The following PARP8 variants were observed in gnomAD, a reference collection of about 807,000 sequenced individuals.
PARP8 encodes protein mono-ADP-ribosyltransferase PARP8.
A neutral mutation model predicts 124.1 loss-of-function variants in PARP8; 51 were observed. The observed-to-expected ratio is 0.41, with a 90% CI of 0.33 to 0.52. The LOEUF (loss-of-function observed/expected upper bound fraction) is 0.52, where lower values mean the gene tolerates loss of function less well. Among genes scored for constraint, PARP8 ranks in the 20% least tolerant of loss-of-function variants. PARP8 has a pLI of 0.21. For synonymous variants in PARP8, 391 were observed against 361.5 expected, an observed-to-expected ratio of 1.08 and a Z score of -0.93; for missense variants, 860 against 1,018.9, an observed-to-expected ratio of 0.84 and a Z score of 2.12.
At chr5:50,791,213 C>A (rs936635288) in intron 10 of PARP8, among the ~76,000 whole-genome samples, 1 of 152,074 alleles carries the variant, frequency 6.6e-6, no homozygotes, top group Non-Finnish European at 1.5e-5. Flanking sequence ...TCAACAATAG[C>A]AACAGCAAAT....
At chr5:50,758,741 C>T (rs868837309) in intron 3 of PARP8, among the ~76,000 whole-genome samples, 16 of 152,010 alleles carry the variant, frequency 1.1e-4, no homozygotes, top group Non-Finnish European at 4.4e-5. Context: ...CTGAGAGATG[C>T]CCTGCAATCA....
chr5:50,835,744 G>C (rs1454057653), intron 25 of PARP8, among the ~76,000 whole-genome samples: 3 of 152,046 alleles, frequency 2.0e-5, no homozygotes, highest in Non-Finnish European at 4.4e-5. Flanking sequence ...ATACAGGCTG[G>C]CAATGCAGTA....
At chr5:50,752,741 C>T (rs959926389) in intron 3 of PARP8, among the ~76,000 whole-genome samples, 6 of 152,170 alleles carry the variant, frequency 3.9e-5, no homozygotes, top group Admixed American at 1.3e-4. Context: ...ATACCTTAGG[C>T]TTCCCCTCTG....
In PARP8 at chr5:50,846,195, C is replaced by T. The variant is rs1748600622; in HGVS notation, c.*4127C>T. ...TTTGAGATTTTTAAAAATGCATCCG[C>T]TCCATTATGTAAACATTAAGATATG... On this transcript the variant is annotated 3_prime_UTR_variant, in exon 26 of 26. Coordinates refer to ENST00000281631, the MANE Select transcript of PARP8 (RefSeq NM_024615.4). 1 of 151,740 alleles carries T rather than the reference C, an allele frequency of 6.6e-6. No homozygotes were observed. Among genetic ancestry groups the T allele is most frequent in the Non-Finnish European group, 1.5e-5 (1 of 67,780 alleles). The allele number at this position is 151,740 out of a possible 1,614,324, so 9.4% of individuals were successfully genotyped here. A position where few individuals can be genotyped will look rare whatever the true frequency, so the allele number is the denominator to read the frequency against.
chr5:50,672,330 A>C (rs1164600608), intron 2 of PARP8, among the ~76,000 whole-genome samples: 1 of 152,180 alleles, frequency 6.6e-6, no homozygotes. Context: ...CCCCTAGCAC[A>C]CTGTCTAGCC....
intron 22 of PARP8, among the ~76,000 whole-genome samples, chr5:50,830,889 C>T (rs1475084133): frequency 1.3e-5 from 2 of 151,860 alleles, no homozygotes; most frequent in East Asian, 3.9e-4. Context: ...ATGTCATTCA[C>T]ATGGTGCCTG....
At chr5:50,743,852 C>G (rs1376282119) in intron 2 of PARP8, among the ~76,000 whole-genome samples, 1 of 152,108 alleles carries the variant, frequency 6.6e-6, no homozygotes, top group Non-Finnish European at 1.5e-5. Context: ...TTGTCATGTG[C>G]AATTTTTTGT....
rs747838465 is a variant in PARP8 at position 50,772,927 on chromosome 5, G to T, written c.519-5142G>T. 3.9e-5 allele frequency among the ~76,000 whole-genome samples: 6 copies of T among 152,146 alleles called. 1 individual carries two copies. The highest frequency in any genetic ancestry group is 8.8e-5 in the Non-Finnish European group (6 of 68,026). On this transcript the variant is annotated intron_variant, in intron 7 of 25. Transcript: ENST00000281631. ...TTGGCTGGGCTGGTCTCGAACTCCT[G>T]ACCCAGTAGATCTGCCCAGCTTGGC... is the stretch of plus-strand genomic sequence containing the variant.
chr5:50,690,187 G>C (rs1477885203), intron 2 of PARP8, among the ~76,000 whole-genome samples: 1 of 152,166 alleles, frequency 6.6e-6, no homozygotes, highest in Non-Finnish European at 1.5e-5. Context: ...CTCCTCATAA[G>C]TTCATACCTC....
intron 2 of PARP8, among the ~76,000 whole-genome samples, chr5:50,718,086 G>T (rs1232078580): frequency 6.6e-6 from 1 of 151,990 alleles, no homozygotes; most frequent in African/African-American, 2.4e-5. Context: ...ATACTGGAGT[G>T]CTGATTATAC....
At chr5:50,747,624 C>T (rs1475380041) in intron 2 of PARP8, among the ~76,000 whole-genome samples, 3 of 151,904 alleles carry the variant, frequency 2.0e-5, no homozygotes, top group South Asian at 4.1e-4. Flanking sequence ...TTTATCATTA[C>T]GAATGATCTC....
At chr5:50,686,262 A>T (rs1050720081) in intron 2 of PARP8, among the ~76,000 whole-genome samples, 1 of 152,232 alleles carries the variant, frequency 6.6e-6, no homozygotes, top group African/African-American at 2.4e-5. Context: ...TGCAAGTCCA[A>T]AATTCAGCAG....
chr5:50,777,336 G>T (rs904150285), intron 7 of PARP8, among the ~76,000 whole-genome samples: 1 of 152,126 alleles, frequency 6.6e-6, no homozygotes, highest in Admixed American at 6.5e-5. Flanking sequence ...TATTTCTGTG[G>T]TTTTTATCTC....
At chr5:50,820,492 A>G (rs1251581374) in intron 15 of PARP8, among the ~76,000 whole-genome samples, 1 of 152,196 alleles carries the variant, frequency 6.6e-6, no homozygotes, top group Non-Finnish European at 1.5e-5. Flanking sequence ...CTCTTAGTAG[A>G]TTGTGCAGAA....
At chr5:50,772,351 C>T (rs530598584) in intron 7 of PARP8, among the ~76,000 whole-genome samples, 1 of 152,316 alleles carries the variant, frequency 6.6e-6, no homozygotes, top group African/African-American at 2.4e-5. Context: ...GATTTCATTT[C>T]CTTTGGTTAA....
At chr5:50,731,613 G>A (rs1756983393) in intron 2 of PARP8, among the ~76,000 whole-genome samples, 1 of 152,048 alleles carries the variant, frequency 6.6e-6, no homozygotes, top group East Asian at 1.9e-4. Context: ...TATTTTTTTG[G>A]ATGCAGTCGT....
At chr5:50,817,984 C>T (rs1745289892) in intron 15 of PARP8, among the ~76,000 whole-genome samples, 1 of 152,206 alleles carries the variant, frequency 6.6e-6, no homozygotes, top group South Asian at 2.1e-4. Flanking sequence ...CTTGCTTAAA[C>T]CTAATATTTC....
At chr5:50,748,599 C>T (rs1036000904) in intron 2 of PARP8, among the ~76,000 whole-genome samples, 1 of 151,978 alleles carries the variant, frequency 6.6e-6, no homozygotes, top group African/African-American at 2.4e-5. Flanking sequence ...TTTTATTTTT[C>T]CTTTGTTTTT....
At chr5:50,689,987 A>G (rs1188251997) in intron 2 of PARP8, among the ~76,000 whole-genome samples, 1 of 152,120 alleles carries the variant, frequency 6.6e-6, no homozygotes, top group East Asian at 1.9e-4. Flanking sequence ...TTGATCATCC[A>G]TCTATTTCTG....
Sources: gnomAD v4.1 joint callset for allele counts (sites outside exome capture counted in the v4.1 genomes callset) on GRCh38, gnomAD v4.1.1 for gene constraint, MANE v1.5 for transcripts, NCBI Gene and HGNC (gene_info 2026-07-23, HGNC 2026-07-21) for gene names.